FRMD7: variants seen among roughly 807,000 people sequenced by gnomAD.
FRMD7 encodes FERM domain-containing protein 7.
In FRMD7, 14 loss-of-function variants were observed where a neutral mutation model predicts 44.1. The ratio of observed to expected loss-of-function variants is 0.32; its 90% CI spans 0.21 to 0.50. The LOEUF (loss-of-function observed/expected upper bound fraction) is 0.50, where lower values mean the gene tolerates loss of function less well. Ranked by LOEUF, FRMD7 falls within the 20% of genes least tolerant of loss-of-function variation. The probability of loss-of-function intolerance (pLI) is 0.99; values close to 1 mark genes in which losing one functional copy is unlikely to be tolerated. For missense variants in FRMD7, 501 were observed against 522.3 expected (o/e 0.96, Z 0.40); for synonymous variants, 212 against 187.4 (o/e 1.13, Z -1.07).
chrX:132,078,683 G>T lies in FRMD7; in HGVS notation c.1334C>A (p.Ser445Tyr), dbSNP rs1325921497. ...AGAAAACTTACAGCTTGTTTGGAAG[G>T]AGCTTAGAGAACTCCTCTCTGAAAA... ...DIFSERSSLSSFQTSCKFSGN... is the reference protein window; with the variant it reads ...DIFSERSSLSYFQTSCKFSGN... The change falls in exon 12 of 12, where the codon TCC becomes TAC. Residue 445 changes from serine (S) to tyrosine (Y), a missense_variant. Physicochemically the swap from Ser to Tyr is moderately radical, Grantham distance 144. Around this residue, in one of 3 missense-constraint regions of FRMD7, gnomAD observed 453 missense variants for 452.7 expected, o/e 1.00. Coordinates refer to ENST00000298542, the MANE Select transcript of FRMD7 (RefSeq NM_194277.3). 2 of 1,209,917 alleles carry T rather than the reference G, an allele frequency of 1.7e-6. No homozygotes were observed. The highest frequency in any genetic ancestry group is 3.5e-5 in the African/African-American group (2 of 57,212).
chrX:132,127,488 C>T lies in FRMD7; in HGVS notation c.57+300G>A, dbSNP rs534367964. Among the ~76,000 whole-genome samples, 34 of 112,089 alleles carry T rather than the reference C, an allele frequency of 3.0e-4. No individual in the cohort carries two copies. The South Asian group carries it at 0.01, about 33-fold the overall frequency. ...GACATAATTTCAATGAACAACAATA[C>T]CTTATTGGGTAAAAGAACTAGTTTA... On this transcript the variant is annotated intron_variant, in intron 1 of 11. Coordinates refer to ENST00000298542, the MANE Select transcript of FRMD7 (RefSeq NM_194277.3).
At chrX:132,124,230 C>T (rs1000699802) in intron 1 of FRMD7, among the ~76,000 whole-genome samples, 1 of 111,769 alleles carries the variant, frequency 8.9e-6, no homozygotes, top group Admixed American at 9.5e-5. Flanking sequence ...GAAGCAAAAC[C>T]AAATATACAA....
chrX:132,095,058 TTTTA>T (rs10554395), intron 4 of FRMD7, among the ~76,000 whole-genome samples: 23,994 of 91,017 alleles, frequency 0.26, 3,117 homozygotes, highest in East Asian at 0.35. Context: ...GGTTCCAATA[TTTTA>T]TTTATTTATT....
intron 5 of FRMD7, among the ~76,000 whole-genome samples, chrX:132,093,431 T>A (rs923680138): frequency 8.9e-6 from 1 of 112,440 alleles, no homozygotes; most frequent in African/African-American, 3.2e-5. Context: ...CAGCCTGGCC[T>A]GCCAGGCATC....
chrX:132,105,551 A>G (rs1569346347), intron 1 of FRMD7, among the ~76,000 whole-genome samples: 2 of 112,139 alleles, frequency 1.8e-5, no homozygotes, highest in Admixed American at 1.9e-4. Flanking sequence ...CAAATAGCCA[A>G]GGAAATCCTA....
At chrX:132,083,991 C>T (rs1927903627) in intron 8 of FRMD7, among the ~76,000 whole-genome samples, 1 of 111,613 alleles carries the variant, frequency 9.0e-6, no homozygotes, top group Non-Finnish European at 1.9e-5. Context: ...TTTCTAGCAC[C>T]TTTGTCTCAC....
chrX:132,127,934 CG>C lies in FRMD7; in HGVS notation c.-91del. 7 of 750,244 alleles carry C rather than the reference CG, an allele frequency of 9.3e-6. No homozygotes were observed. The South Asian group carries it at 1.5e-4, about 16-fold the overall frequency. The allele number at this position is 750,244 out of a possible 1,213,427, so 61.8% of individuals were successfully genotyped here. Reference sequence around the variant, plus strand: ...CACTCCCAGCTGGATGTGGTGCACTCGGGCCCCCCCACCCCCAGCCAGGCAT... The same window carrying C: ...CACTCCCAGCTGGATGTGGTGCACTCGGCCCCCCCACCCCCAGCCAGGCAT... On this transcript the variant is annotated 5_prime_UTR_variant, in exon 1 of 12. It removes the in-frame stop codon of an upstream open reading frame in the 5' UTR. Transcript: ENST00000298542.
In FRMD7 at chrX:132,082,415, T is replaced by C; in HGVS notation, c.853A>G (p.Lys285Glu). 8.3e-7 allele frequency: 1 copy of C among 1,210,674 alleles called. No homozygotes were observed. Among genetic ancestry groups the C allele is most frequent in the Non-Finnish European group, 1.1e-6 (1 of 894,303 alleles). ...HAFFRLSEEP[K>E]SKPKTLLCSK... ...CAGAGTAGGGTTTTGGGCTTTGATT[T>C]GGGCTCTTCCGAAAGCCTGAAGAAA... Residue 285 changes from lysine (K) to glutamate (E), a missense_variant, in exon 9 of 12, where the codon AAA (lysine) becomes GAA (glutamate). Lys to Glu is a moderately conservative substitution (Grantham distance 56). Around this residue, in one of 3 missense-constraint regions of FRMD7, gnomAD observed 453 missense variants for 452.7 expected, o/e 1.00. Transcript: ENST00000298542.
chrX:132,092,523 G>A (rs758498934), intron 5 of FRMD7, among the ~76,000 whole-genome samples: 2 of 112,232 alleles, frequency 1.8e-5, no homozygotes, highest in East Asian at 2.8e-4. Context: ...AATCAATTGC[G>A]AAGAACTACC....
chrX:132,112,532 A>T, intron 1 of FRMD7, among the ~76,000 whole-genome samples: 1 of 111,922 alleles, frequency 8.9e-6, no homozygotes, highest in Non-Finnish European at 1.9e-5. Flanking sequence ...ATGCTTGTGC[A>T]CGTGTGAAAT....
intron 5 of FRMD7, among the ~76,000 whole-genome samples, chrX:132,089,035 C>T (rs1487376512): frequency 1.8e-5 from 2 of 111,832 alleles, no homozygotes; most frequent in African/African-American, 6.5e-5. Context: ...CTCAGAATAA[C>T]CAAACTATTT....
Position 132,077,990 on chromosome X carries a change from C to T in FRMD7, c.2027G>A (p.Arg676Lys). Reference protein sequence around the residue: ...YGKEIRSPMARIRLSSGSLQL... With the variant: ...YGKEIRSPMAKIRLSSGSLQL... The stretch of plus-strand genomic sequence containing the variant: ...TAGACTACCAGAAGACAGGCGGATT[C>T]TGGCCATGGGTGACCTTATTTCTTT... The change falls in exon 12 of 12, where the codon AGA (arginine) becomes AAA (lysine). Residue 676 changes from arginine to lysine, a missense_variant. This residue lies in a region of FRMD7 where 453 missense variants were observed against 452.7 expected (regional missense o/e 1.00). Coordinates refer to ENST00000298542, the MANE Select transcript of FRMD7 (RefSeq NM_194277.3). 8.3e-7 allele frequency: 1 copy of T among 1,211,248 alleles called. No individual in the cohort carries two copies. The highest frequency in any genetic ancestry group is 1.7e-5 in the African/African-American group (1 of 57,758).
chrX:132,122,391 C>G (rs1452925642), intron 1 of FRMD7, among the ~76,000 whole-genome samples: 1 of 111,898 alleles, frequency 8.9e-6, no homozygotes, highest in Non-Finnish European at 1.9e-5. Flanking sequence ...CTTCCATAAT[C>G]CCATCTATAA....
chrX:132,097,216 T>A (rs769068974), intron 4 of FRMD7, 50 bp downstream of exon 4: 10 of 890,125 alleles, frequency 1.1e-5, no homozygotes, highest in Non-Finnish European at 1.7e-5. Flanking sequence ...AAATGGAGAA[T>A]AATGATTCTT....
At position 132,127,934 on chromosome X, in the gene FRMD7, C is replaced by T. The variant is rs1027575907; in HGVS notation, c.-90G>A. ...CACTCCCAGCTGGATGTGGTGCACT[C>T]GGGCCCCCCCACCCCCAGCCAGGCA... On this transcript the variant is annotated 5_prime_UTR_variant, in exon 1 of 12. Coordinates refer to ENST00000298542, the MANE Select transcript of FRMD7 (RefSeq NM_194277.3). 32 of 748,348 alleles carry T rather than the reference C, an allele frequency of 4.3e-5. No individual in the cohort carries two copies. The highest frequency in any genetic ancestry group is 3.6e-4 in the Admixed American group (16 of 44,469). 61.7% of individuals were successfully genotyped at this position (748,348 alleles called of 1,213,427 possible).
intron 9 of FRMD7, among the ~76,000 whole-genome samples, chrX:132,081,330 TCAAAA>T (rs775661589): frequency 4.6e-5 from 5 of 107,860 alleles, no homozygotes; most frequent in Admixed American, 9.8e-5. Context: ...AGACTCCATC[TCAAAA>T]CAAAACAAAA....
intron 1 of FRMD7, among the ~76,000 whole-genome samples, chrX:132,116,033 A>G (rs1432354363): frequency 2.7e-5 from 3 of 111,423 alleles, no homozygotes; most frequent in African/African-American, 9.8e-5. Flanking sequence ...TCCAGGAAAA[A>G]AATTATTACT....
chrX:132,120,716 T>G (rs1012895561), intron 1 of FRMD7, among the ~76,000 whole-genome samples: 5 of 112,266 alleles, frequency 4.5e-5, no homozygotes, highest in African/African-American at 1.6e-4. Flanking sequence ...GATGTGGGGC[T>G]CCCAGAGGGT....
chrX:132,123,740 T>C (rs768247547), intron 1 of FRMD7, among the ~76,000 whole-genome samples: 3 of 112,540 alleles, frequency 2.7e-5, no homozygotes, highest in Non-Finnish European at 3.8e-5. Context: ...TCAGGTGAGC[T>C]AACTTACTAT....
Sources: gnomAD v4.1 joint callset for allele counts (sites outside exome capture counted in the v4.1 genomes callset) on GRCh38, gnomAD v4.1.1 for gene constraint, gnomAD v4.1.1 regional missense constraint, MANE v1.5 for transcripts, NCBI Gene and HGNC (gene_info 2026-07-23, HGNC 2026-07-21) for gene names.